ADAMTS6: variants seen among roughly 807,000 people sequenced by gnomAD.
The protein encoded by ADAMTS6 is ADAM metallopeptidase with thrombospondin type 1 motif 6.
In ADAMTS6, 23 loss-of-function variants were observed where a neutral mutation model predicts 144.3. The ratio of observed to expected loss-of-function variants is 0.16; its 90% CI spans 0.11 to 0.23. The LOEUF is 0.23. Among genes scored for constraint, ADAMTS6 ranks in the 10% least tolerant of loss-of-function variants. The pLI, the probability that ADAMTS6 is intolerant of heterozygous loss-of-function variation, is 1.00. For synonymous variants in ADAMTS6, 444 were observed against 457.5 expected (o/e 0.97, Z 0.38); for missense variants, 999 against 1,379.6 (o/e 0.72, Z 4.37).
intron 7 of ADAMTS6, among the ~76,000 whole-genome samples, chr5:65,378,329 A>G (rs1362359505): frequency 3.9e-5 from 6 of 152,042 alleles, no homozygotes; most frequent in Non-Finnish European, 8.8e-5. Flanking sequence ...ATCCTTCTCT[A>G]TCTTCTCCCA....
chr5:65,360,125 A>G (rs1237070298), intron 7 of ADAMTS6, among the ~76,000 whole-genome samples: 7 of 152,192 alleles, frequency 4.6e-5, no homozygotes, highest in Non-Finnish European at 7.3e-5. Context: ...GTATAGGAAC[A>G]TGATGCTGGC....
intron 1 of ADAMTS6, among the ~76,000 whole-genome samples, chr5:65,481,018 T>C (rs1163060677): frequency 6.6e-6 from 1 of 152,214 alleles, no homozygotes; most frequent in Non-Finnish European, 1.5e-5. Context: ...GATTACTATT[T>C]GGTGATCAGT....
At chr5:65,360,979 CAGGTCTCCTA>C (rs1749775185) in intron 7 of ADAMTS6, among the ~76,000 whole-genome samples, 1 of 152,100 alleles carries the variant, frequency 6.6e-6, no homozygotes, top group Non-Finnish European at 1.5e-5. Flanking sequence ...TTTATCACGT[CAGGTCTCCTA>C]AGAACTTAGT....
At chr5:65,316,529 T>C (rs1044181181) in intron 9 of ADAMTS6, among the ~76,000 whole-genome samples, 4 of 152,148 alleles carry the variant, frequency 2.6e-5, no homozygotes, top group Non-Finnish European at 4.4e-5. Flanking sequence ...AATGATACAA[T>C]TGAAAGATGA....
chr5:65,264,950 A>C (rs1761492618), intron 12 of ADAMTS6, among the ~76,000 whole-genome samples: 1 of 152,138 alleles, frequency 6.6e-6, no homozygotes, highest in Admixed American at 6.6e-5. Context: ...ATCACATGGC[A>C]GGAAGGAACT....
intron 11 of ADAMTS6, among the ~76,000 whole-genome samples, chr5:65,288,084 T>C (rs1409090211): frequency 1.3e-5 from 2 of 152,026 alleles, no homozygotes; most frequent in African/African-American, 4.8e-5. Flanking sequence ...TTGCCCTGAG[T>C]AAAATAAAAC....
intron 7 of ADAMTS6, among the ~76,000 whole-genome samples, chr5:65,371,494 T>C (rs955984843): frequency 6.6e-6 from 1 of 151,972 alleles, no homozygotes; most frequent in Non-Finnish European, 1.5e-5. Context: ...CAGGAGCCAA[T>C]GCGATCAACT....
chr5:65,268,921 A>C (rs866729143), intron 12 of ADAMTS6, among the ~76,000 whole-genome samples: 1 of 152,080 alleles, frequency 6.6e-6, no homozygotes, highest in African/African-American at 2.4e-5. Flanking sequence ...CCTCCCTTTT[A>C]AAAAAAGATT....
chr5:65,327,827 T>G (rs1746314425), intron 9 of ADAMTS6, among the ~76,000 whole-genome samples: 1 of 152,194 alleles, frequency 6.6e-6, no homozygotes, highest in African/African-American at 2.4e-5. Flanking sequence ...TTGACTAACT[T>G]GTGACTACAT....
At chr5:65,218,296 A>G (rs1023855677) in intron 18 of ADAMTS6, among the ~76,000 whole-genome samples, 2 of 152,178 alleles carry the variant, frequency 1.3e-5, no homozygotes, top group Non-Finnish European at 2.9e-5. Flanking sequence ...AATATTCTGG[A>G]TTTACCCAAA....
intron 7 of ADAMTS6, among the ~76,000 whole-genome samples, chr5:65,339,803 C>G (rs1459784988): frequency 6.7e-6 from 1 of 149,828 alleles, no homozygotes; most frequent in Non-Finnish European, 1.5e-5. Flanking sequence ...ATAACACAGG[C>G]AGAAAAAGTA....
intron 7 of ADAMTS6, among the ~76,000 whole-genome samples, chr5:65,419,775 G>A (rs1019902685): frequency 6.6e-6 from 1 of 152,146 alleles, no homozygotes; most frequent in African/African-American, 2.4e-5. Flanking sequence ...TAAAGGAAAT[G>A]TCCACAATAT....
intron 7 of ADAMTS6, among the ~76,000 whole-genome samples, chr5:65,423,602 T>C (rs553911183): frequency 2.0e-5 from 3 of 152,244 alleles, no homozygotes; most frequent in Admixed American, 6.5e-5. Flanking sequence ...AGCAAAAGCC[T>C]GTGTAAAAGC....
intron 7 of ADAMTS6, among the ~76,000 whole-genome samples, chr5:65,356,287 A>G (rs1749315229): frequency 6.6e-6 from 1 of 151,938 alleles, no homozygotes; most frequent in South Asian, 2.1e-4. Flanking sequence ...TCAGGTGCAA[A>G]TATTTTATCT....
intron 20 of ADAMTS6, chr5:65,209,844 A>G (rs1756373591): frequency 6.6e-6 from 1 of 152,262 alleles, no homozygotes; most frequent in Non-Finnish European, 1.5e-5. Context: ...AACATGGAGT[A>G]TCTCAGTTAA....
chr5:65,319,727 GGGAGGGAGGGAGGGAA>G (rs1745383929), intron 9 of ADAMTS6, among the ~76,000 whole-genome samples: 1 of 53,534 alleles, frequency 1.9e-5, no homozygotes, highest in African/African-American at 1.0e-4. Flanking sequence ...AAGGGAGGGA[GGGAGGGAGGGAGGGAA>G]GGAAGGAAGG....
intron 15 of ADAMTS6, among the ~76,000 whole-genome samples, chr5:65,233,186 CT>C (rs988383084): frequency 7.2e-5 from 11 of 151,890 alleles, no homozygotes; most frequent in African/African-American, 2.7e-4. Context: ...AAGAATATAC[CT>C]CAACACAATA....
chr5:65,439,507 T>C (rs1326052074), intron 7 of ADAMTS6, among the ~76,000 whole-genome samples: 1 of 152,024 alleles, frequency 6.6e-6, no homozygotes, highest in African/African-American at 2.4e-5. Flanking sequence ...AAAACCCAAA[T>C]GAAGATATGT....
intron 4 of ADAMTS6, among the ~76,000 whole-genome samples, chr5:65,459,294 A>G (rs769128335): frequency 1.3e-5 from 2 of 151,976 alleles, no homozygotes; most frequent in African/African-American, 2.4e-5. Flanking sequence ...CTAAAACACA[A>G]ATCTGATTAT....
Sources: gnomAD v4.1 joint callset for allele counts (sites outside exome capture counted in the v4.1 genomes callset) on GRCh38, gnomAD v4.1.1 for gene constraint, MANE v1.5 for transcripts, NCBI Gene and HGNC (gene_info 2026-07-23, HGNC 2026-07-21) for gene names.